The following PAPPA2 variants were observed in gnomAD, a reference collection of about 807,000 sequenced individuals.
PAPPA2 encodes pappalysin-2.
In PAPPA2, 86 loss-of-function variants were observed where a neutral mutation model predicts 176.4. That is an observed-to-expected ratio of 0.49 (90% confidence interval 0.41 to 0.58). The LOEUF is 0.58. PAPPA2 is among the 20% of genes least tolerant of loss of function. The probability of loss-of-function intolerance (pLI) is 0.00; values close to 1 mark genes in which losing one functional copy is unlikely to be tolerated. For missense variants in PAPPA2, 2,073 were observed against 2,256.9 expected, an observed-to-expected ratio of 0.92 and a Z score of 1.65; for synonymous variants, 809 against 852.2, an observed-to-expected ratio of 0.95 and a Z score of 0.88.
chr1:176,596,605 G>A (rs6425392), intron 3 of PAPPA2, among the ~76,000 whole-genome samples: 36,891 of 151,980 alleles, frequency 0.24, 4,493 homozygotes, highest in South Asian at 0.33. Flanking sequence ...TGTCTTTCAC[G>A]TTCATGTGTT....
At chr1:176,523,416 G>A (rs1649309180) in intron 1 of PAPPA2, among the ~76,000 whole-genome samples, 1 of 152,286 alleles carries the variant, frequency 6.6e-6, no homozygotes, top group African/African-American at 2.4e-5. Context: ...GTTTCTGAAA[G>A]TAAGACTGTG....
intron 3 of PAPPA2, among the ~76,000 whole-genome samples, chr1:176,629,785 A>C (rs1400383239): frequency 6.6e-6 from 1 of 152,244 alleles, no homozygotes; most frequent in Non-Finnish European, 1.5e-5. Context: ...AAGGACAAAC[A>C]TAACTATTTT....
At chr1:176,638,627 G>C (rs998841987) in intron 3 of PAPPA2, among the ~76,000 whole-genome samples, 1 of 152,032 alleles carries the variant, frequency 6.6e-6, no homozygotes, top group Admixed American at 6.6e-5. Flanking sequence ...ATGGCGCACT[G>C]TAGATGAACA....
intron 3 of PAPPA2, among the ~76,000 whole-genome samples, chr1:176,627,214 A>G (rs1257609875): frequency 6.6e-6 from 1 of 152,198 alleles, no homozygotes; most frequent in African/African-American, 2.4e-5. Context: ...ACTTGATAAC[A>G]TTCATATGTG....
At chr1:176,810,615 G>A (rs968825181) in intron 21 of PAPPA2, among the ~76,000 whole-genome samples, 2 of 152,156 alleles carry the variant, frequency 1.3e-5, no homozygotes, top group Non-Finnish European at 2.9e-5. Context: ...GTGTGGCCCG[G>A]TTCTAACAGG....
chr1:176,838,797 A>AT (rs1667372587), intron 21 of PAPPA2, among the ~76,000 whole-genome samples: 1 of 152,224 alleles, frequency 6.6e-6, no homozygotes, highest in Non-Finnish European at 1.5e-5. Flanking sequence ...TGACATTGCT[A>AT]TGCAGCTGTG....
chr1:176,562,480 G>T (rs1651733433), intron 2 of PAPPA2, among the ~76,000 whole-genome samples: 1 of 152,206 alleles, frequency 6.6e-6, no homozygotes, highest in Non-Finnish European at 1.5e-5. Context: ...TGAAGATGAG[G>T]TTTGCATGGC....
intron 12 of PAPPA2, among the ~76,000 whole-genome samples, chr1:176,731,201 TTTTTGTTTTCCTTATTGTGAA>T (rs1662124240): frequency 6.6e-6 from 1 of 152,104 alleles, no homozygotes; most frequent in Non-Finnish European, 1.5e-5. Context: ...TCTCTGTTCA[TTTTTGTTTTCCTTATTGTGAA>T]TTTTTTAAGT....
intron 3 of PAPPA2, among the ~76,000 whole-genome samples, chr1:176,644,290 G>A (rs558734308): frequency 9.9e-5 from 15 of 151,850 alleles, no homozygotes; most frequent in African/African-American, 2.9e-4. Flanking sequence ...TGGGGAAGTC[G>A]TGAGCACCAT....
At chr1:176,638,725 G>A (rs757880943) in intron 3 of PAPPA2, among the ~76,000 whole-genome samples, 1 of 151,718 alleles carries the variant, frequency 6.6e-6, no homozygotes, top group African/African-American at 2.4e-5. Context: ...CAGGATTCTC[G>A]GATTTTTTTT....
chr1:176,785,150 G>T (rs1664880666), intron 17 of PAPPA2, among the ~76,000 whole-genome samples: 1 of 152,086 alleles, frequency 6.6e-6, no homozygotes, highest in African/African-American at 2.4e-5. Context: ...GGGCCCTATG[G>T]GGAAACCAAA....
intron 17 of PAPPA2, among the ~76,000 whole-genome samples, chr1:176,777,195 G>T (rs1036741757): frequency 1.3e-5 from 2 of 152,106 alleles, no homozygotes; most frequent in Admixed American, 6.6e-5. Context: ...ACATCATTGC[G>T]AGAAGTGGTA....
At chr1:176,610,396 A>G (rs746674891) in intron 3 of PAPPA2, among the ~76,000 whole-genome samples, 2 of 152,192 alleles carry the variant, frequency 1.3e-5, no homozygotes, top group Non-Finnish European at 2.9e-5. Context: ...AGGATATAAA[A>G]AATGTGTAAA....
rs750977659 is a variant in PAPPA2 at position 176,481,381 on chromosome 1, G to A, written c.-917+17963G>A. Among the ~76,000 whole-genome samples, 15 of 151,990 alleles carry A rather than the reference G, an allele frequency of 9.9e-5. No individual in the cohort carries two copies. The East Asian group carries it at 1.7e-3, about 18-fold the overall frequency. ...TTCGACATGGCTCTGGAGTGATGCCGTGTGGCAGCTTTGAGACGGAATAGT... is the reference window on the plus strand; with the variant it reads ...TTCGACATGGCTCTGGAGTGATGCCATGTGGCAGCTTTGAGACGGAATAGT... On this transcript the variant is annotated intron_variant, in intron 1 of 22. Transcript: ENST00000367662.
intron 17 of PAPPA2, among the ~76,000 whole-genome samples, chr1:176,783,795 C>T (rs1421759065): frequency 2.0e-5 from 3 of 152,126 alleles, no homozygotes; most frequent in Non-Finnish European, 4.4e-5. Flanking sequence ...CTGGTTTCTA[C>T]ACCTTACTAG....
intron 1 of PAPPA2, among the ~76,000 whole-genome samples, chr1:176,509,849 A>G (rs2102521109): frequency 6.9e-6 from 1 of 144,834 alleles, no homozygotes; most frequent in Non-Finnish European, 1.5e-5. Flanking sequence ...CAAAAAACAA[A>G]ACAAACAAAC....
intron 14 of PAPPA2, among the ~76,000 whole-genome samples, chr1:176,744,797 A>G (rs1226727414): frequency 1.3e-5 from 2 of 152,178 alleles, no homozygotes; most frequent in African/African-American, 2.4e-5. Context: ...ATGTTTCTCA[A>G]TTTAACTCCA....
At chr1:176,617,591 T>C (rs904845499) in intron 3 of PAPPA2, among the ~76,000 whole-genome samples, 1 of 152,128 alleles carries the variant, frequency 6.6e-6, no homozygotes, top group African/African-American at 2.4e-5. Context: ...TCCACCTAGG[T>C]TGCTGTGAAT....
At chr1:176,469,190 G>A (rs1312013636) in intron 1 of PAPPA2, among the ~76,000 whole-genome samples, 1 of 152,186 alleles carries the variant, frequency 6.6e-6, no homozygotes, top group Non-Finnish European at 1.5e-5. Flanking sequence ...AGTCTTTTGT[G>A]TAAGAAAATA....
Sources: gnomAD v4.1 joint callset for allele counts (sites outside exome capture counted in the v4.1 genomes callset) on GRCh38, gnomAD v4.1.1 for gene constraint, MANE v1.5 for transcripts, NCBI Gene and HGNC (gene_info 2026-07-23, HGNC 2026-07-21) for gene names.